Variants in LRIG1 observed in about 807,000 individuals in gnomAD.
LRIG1 encodes leucine-rich repeats and immunoglobulin-like domains protein 1.
In LRIG1, 48 loss-of-function variants were observed where a neutral mutation model predicts 99.2. That is an observed-to-expected ratio of 0.48 (90% CI 0.38 to 0.62). LRIG1 has a LOEUF of 0.62. LRIG1 is among the 20% of genes least tolerant of loss of function. LRIG1 has a pLI of 0.00. For missense variants in LRIG1, 1,646 were observed against 1,434.4 expected, an observed-to-expected ratio of 1.15 and a Z score of -2.38; for synonymous variants, 772 against 596.1, an observed-to-expected ratio of 1.29 and a Z score of -4.30.
At chr3:66,465,555 AG>A (rs1700455280) in intron 1 of LRIG1, among the ~76,000 whole-genome samples, 1 of 151,556 alleles carries the variant, frequency 6.6e-6, no homozygotes, top group African/African-American at 2.4e-5. Context: ...TAGTAGAGAC[AG>A]GGTTTCACCA....
At chr3:66,425,634 C>T (rs1205626766) in intron 3 of LRIG1, among the ~76,000 whole-genome samples, 2 of 152,150 alleles carry the variant, frequency 1.3e-5, no homozygotes, top group Non-Finnish European at 2.9e-5. Context: ...TCTTATTGGC[C>T]TCATCAAAGG....
At chr3:66,386,342 G>A (rs1701373824) in intron 12 of LRIG1, 41 bp from the exon 13 acceptor site, 3 of 1,536,924 alleles carry the variant, frequency 2.0e-6, no homozygotes, top group East Asian at 4.5e-5. Flanking sequence ...TGGGTTCTTG[G>A]TACACAGAGG....
At chr3:66,413,744 C>T (rs935740646) in intron 5 of LRIG1, among the ~76,000 whole-genome samples, 3 of 152,140 alleles carry the variant, frequency 2.0e-5, no homozygotes, top group Admixed American at 2.0e-4. Flanking sequence ...GATGCTGCCC[C>T]ACACAAACCT....
chr3:66,439,720 C>G (rs1035109541), intron 3 of LRIG1, among the ~76,000 whole-genome samples: 1 of 152,114 alleles, frequency 6.6e-6, no homozygotes, highest in African/African-American at 2.4e-5. Flanking sequence ...AGGTAGAATG[C>G]AAATGACAGT....
At chr3:66,500,152 C>T (rs1314725457) in intron 1 of LRIG1, 38 bp downstream of exon 1, 6 of 1,473,612 alleles carry the variant, frequency 4.1e-6, no homozygotes, top group Non-Finnish European at 3.6e-6. Context: ...AGTGACAGAG[C>T]CCCGGGGCGC....
intron 1 of LRIG1, among the ~76,000 whole-genome samples, chr3:66,463,391 C>T (rs1700401032): frequency 2.6e-5 from 4 of 152,178 alleles, no homozygotes; most frequent in Admixed American, 2.6e-4. Context: ...GCAGGGAAAG[C>T]CTCACATGAG....
intron 9 of LRIG1, 112 bp from the exon 10 acceptor site, chr3:66,399,153 T>TA: frequency 1.1e-6 from 1 of 881,970 alleles, no homozygotes; most frequent in Non-Finnish European, 1.8e-6. Flanking sequence ...TGCTACCTGA[T>TA]AAGTCTGTCC....
chr3:66,383,483 A>G, intron 14 of LRIG1, 82 bp from the exon 15 acceptor site: 5 of 1,219,330 alleles, frequency 4.1e-6, no homozygotes, highest in Non-Finnish European at 2.3e-6. Flanking sequence ...ACAACGGACA[A>G]TCCAACATAT....
In LRIG1 at chr3:66,484,936, T is replaced by C. The variant is rs144244212; in HGVS notation, c.218+15254A>G. Among the ~76,000 whole-genome samples, 198 of 152,182 alleles carry C rather than the reference T, an allele frequency of 1.3e-3. 3 individuals carry two copies. The East Asian group carries it at 0.031, about 23-fold the overall frequency. On this transcript the variant is annotated intron_variant, in intron 1 of 18. Transcript: ENST00000273261. ...TTGGGAGGCCGAGGCCAGCGATTGC[T>C]TGAGCCCAGGTGTTCGAGACCAGCC...
chr3:66,397,995 A>T (rs1279971666), intron 11 of LRIG1, 117 bp downstream of exon 11: 4 of 822,242 alleles, frequency 4.9e-6, no homozygotes, highest in African/African-American at 1.7e-5. Flanking sequence ...TGGCCCACAA[A>T]ATCCAAAATA....
chr3:66,410,765 C>T (rs1010653695), intron 6 of LRIG1, among the ~76,000 whole-genome samples: 2 of 152,202 alleles, frequency 1.3e-5, no homozygotes, highest in Admixed American at 6.5e-5. Flanking sequence ...GAAAGGAGAG[C>T]GAATAGGAGG....
intron 1 of LRIG1, among the ~76,000 whole-genome samples, chr3:66,481,071 T>C (rs549658692): frequency 6.6e-6 from 1 of 152,240 alleles, no homozygotes; most frequent in East Asian, 1.9e-4. Flanking sequence ...CAGATAGAAA[T>C]GGCCAACGGT....
Position 66,398,997 on chromosome 3 carries a change from A to C in LRIG1, c.1205T>G (p.Phe402Cys). 1.2e-6 allele frequency: 2 copies of C among 1,614,236 alleles called. No homozygotes were observed. Among genetic ancestry groups the C allele is most frequent in the Non-Finnish European group, 1.7e-6 (2 of 1,180,044 alleles). ...GTGCTCCAGGCCTTCCAGCCCCGAG[A>C]ATGCTCTCTTAGCCACAGACTTGAT... ...NKIKSVAKRA[F>C]SGLEGLEHLN... is the part of the protein sequence containing the mutation. The change falls in exon 10 of 19, where the codon TTC becomes TGC. Residue 402 changes from phenylalanine (F) to cysteine (C), a missense_variant. Coordinates refer to ENST00000273261, the MANE Select transcript of LRIG1 (RefSeq NM_015541.3).
At chr3:66,494,969 T>G (rs546859582) in intron 1 of LRIG1, among the ~76,000 whole-genome samples, 1 of 152,228 alleles carries the variant, frequency 6.6e-6, no homozygotes, top group Non-Finnish European at 1.5e-5. Context: ...AAAACATAAA[T>G]GCAGGTCCCA....
At chr3:66,446,126 G>A (rs1030207801) in intron 3 of LRIG1, among the ~76,000 whole-genome samples, 1 of 152,112 alleles carries the variant, frequency 6.6e-6, no homozygotes, top group African/African-American at 2.4e-5. Flanking sequence ...TTTTTTTCCA[G>A]AGGGTTTGCT....
chr3:66,421,686 C>T (rs1702817741), intron 3 of LRIG1, among the ~76,000 whole-genome samples: 1 of 152,176 alleles, frequency 6.6e-6, no homozygotes, highest in Admixed American at 6.5e-5. Flanking sequence ...GGACAGTGGC[C>T]CTCTTCTCAC....
chr3:66,501,093 C>G (rs537737733), upstream of LRIG1: 1 of 150,662 alleles, frequency 6.6e-6, no homozygotes, highest in South Asian at 2.1e-4. Flanking sequence ...CCGCACACAC[C>G]CCCTAGGCTC....
At chr3:66,479,064 C>T (rs764419459) in intron 1 of LRIG1, among the ~76,000 whole-genome samples, 3 of 152,202 alleles carry the variant, frequency 2.0e-5, no homozygotes, top group Non-Finnish European at 4.4e-5. Context: ...CCTCCCTTCC[C>T]CCAGCTTCTG....
At chr3:66,383,524 A>G in intron 14 of LRIG1, 123 bp from the exon 15 acceptor site, 1 of 911,434 alleles carries the variant, frequency 1.1e-6, no homozygotes, top group African/African-American at 1.7e-5. Flanking sequence ...TCTGTCTCAG[A>G]GTGGCAAGCT....
Sources: allele counts gnomAD v4.1 joint callset (sites outside exome capture counted in the v4.1 genomes callset), GRCh38; gene constraint gnomAD v4.1.1; transcripts MANE v1.5; gene names NCBI Gene and HGNC (gene_info 2026-07-23, HGNC 2026-07-21).